Variants in MED13L observed in about 807,000 individuals in gnomAD.
MED13L encodes mediator of RNA polymerase II transcription subunit 13-like.
MED13L carries 7 observed loss-of-function variants against 220.9 expected under a neutral mutation model. The observed-to-expected ratio is 0.03, with a 90% CI of 0.02 to 0.06. The LOEUF is 0.06. Among genes scored for constraint, MED13L ranks in the 10% least tolerant of loss-of-function variants. The probability of loss-of-function intolerance (pLI) is 1.00; values close to 1 mark genes in which losing one functional copy is unlikely to be tolerated. For missense variants in MED13L, 1,965 were observed against 2,760.5 expected (o/e 0.71, Z 6.46); for synonymous variants, 1,011 against 1,015.2 (o/e 1.00, Z 0.08).
chr12:116,140,200 A>G (rs770262253), intron 2 of MED13L, among the ~76,000 whole-genome samples: 2 of 152,098 alleles, frequency 1.3e-5, no homozygotes, highest in Non-Finnish European at 2.9e-5. Context: ...TTTCTTCCAG[A>G]GCATTTACTA....
At chr12:116,151,241 T>C (rs566866108) in intron 2 of MED13L, among the ~76,000 whole-genome samples, 158 of 152,292 alleles carry the variant, frequency 1.0e-3, no homozygotes, top group African/African-American at 3.7e-3. Context: ...TAAATGTGTA[T>C]AAGAGGTCTT....
Position 115,984,289 on chromosome 12 carries a change from C to A in MED13L, c.4422G>T (p.Lys1474Asn), listed in dbSNP as rs561288892. The part of the protein sequence containing the change: ...IMRVGKTVAQ[K>N]LTDELVSEWF... ...ACTCACTCACAAGCTCATCTGTCAG[C>A]TTCTGTGCCACAGTTTTTCCCACGC... The change falls in exon 20 of 31, where the codon AAG (lysine) becomes AAT (asparagine). Residue 1474 changes from lysine to asparagine, a missense_variant. This residue lies in a region of MED13L where 510 missense variants were observed against 620.4 expected (regional missense o/e 0.82). Transcript: ENST00000281928. 2 of 1,614,016 alleles carry A rather than the reference C, an allele frequency of 1.2e-6. No homozygotes were observed. Among genetic ancestry groups the A allele is most frequent in the East Asian group, 4.5e-5 (2 of 44,872 alleles).
intron 2 of MED13L, among the ~76,000 whole-genome samples, chr12:116,182,764 T>C (rs1183419184): frequency 6.6e-6 from 1 of 152,150 alleles, no homozygotes; most frequent in Non-Finnish European, 1.5e-5. Flanking sequence ...CTAACATATA[T>C]TACATGTTTA....
intron 4 of MED13L, among the ~76,000 whole-genome samples, chr12:116,084,915 T>C (rs928795781): frequency 6.6e-6 from 1 of 152,176 alleles, no homozygotes; most frequent in East Asian, 1.9e-4. Context: ...ACCTCCTATA[T>C]ATGTAGTCAT....
Position 116,015,206 on chromosome 12 carries a change from G to T in MED13L, c.1078C>A (p.His360Asn). The T allele has an allele frequency of 6.2e-7, 1 of 1,613,804 alleles. No individual in the cohort carries two copies. Among genetic ancestry groups the T allele is most frequent in the Non-Finnish European group, 8.5e-7 (1 of 1,179,830 alleles). The change falls in exon 8 of 31, where the codon CAC becomes AAC. Residue 360 changes from histidine to asparagine, a missense_variant. This residue lies in a region of MED13L where 818 missense variants were observed against 1,041.2 expected (regional missense o/e 0.79). Coordinates refer to ENST00000281928, the MANE Select transcript of MED13L (RefSeq NM_015335.5). ...VSQDGGMITMHSPKRSGKIPP... is the reference protein window; with the variant it reads ...VSQDGGMITMNSPKRSGKIPP... ...ATCTTCCCCGATCTCTTTGGACTGT[G>T]CATCGTTATCATCCCTCCATCTTGG...
intron 28 of MED13L, among the ~76,000 whole-genome samples, chr12:115,967,187 A>AC (rs1411644240): frequency 6.6e-6 from 1 of 151,536 alleles, no homozygotes; most frequent in African/African-American, 2.4e-5. Flanking sequence ...AAAAAAAAAA[A>AC]AAAAAAAAAC....
At chr12:116,150,243 C>T (rs1369130035) in intron 2 of MED13L, among the ~76,000 whole-genome samples, 2 of 152,220 alleles carry the variant, frequency 1.3e-5, no homozygotes, top group Non-Finnish European at 2.9e-5. Context: ...TAACTTCACA[C>T]AACATGTAAC....
Position 115,972,195 on chromosome 12 carries a change from T to C in MED13L, c.5773A>G (p.Ser1925Gly), listed in dbSNP as rs752560133. 1.2e-6 allele frequency: 2 copies of C among 1,614,006 alleles called. No homozygotes were observed. The highest frequency in any genetic ancestry group is 8.5e-7 in the Non-Finnish European group (1 of 1,179,906). Reference sequence around the variant, plus strand: ...CGGCACACATCCTTGAGCTTTTTGCTGATTGTCTGTAGTGAACATTCTCCA... The same window carrying C: ...CGGCACACATCCTTGAGCTTTTTGCCGATTGTCTGTAGTGAACATTCTCCA... ...LLGECSLQTI[S>G]KKLKDVCRMC... Residue 1925 changes from serine (S) to glycine (G), a missense_variant, in exon 26 of 31, where the codon AGC becomes GGC. By Grantham distance (56) the Ser-to-Gly change is moderately conservative (BLOSUM62 0). Around this residue, in one of 10 missense-constraint regions of MED13L, gnomAD observed 23 missense variants for 67.1 expected, o/e 0.34. Transcript: ENST00000281928.
At chr12:115,969,410 C>T (rs2137218243) in intron 27 of MED13L, among the ~76,000 whole-genome samples, 1 of 152,280 alleles carries the variant, frequency 6.6e-6, no homozygotes. Flanking sequence ...GCTAAAGCAA[C>T]AATTTAATCA....
At chr12:116,038,172 C>CTT (rs397937912) in intron 4 of MED13L, among the ~76,000 whole-genome samples, 9 of 140,792 alleles carry the variant, frequency 6.4e-5, no homozygotes, top group East Asian at 2.1e-4. Flanking sequence ...GCTTGGAATT[C>CTT]TTTTTTTTTT....
intron 1 of MED13L, among the ~76,000 whole-genome samples, chr12:116,258,045 T>C (rs1565953762): frequency 2.0e-5 from 3 of 152,290 alleles, no homozygotes; most frequent in South Asian, 4.1e-4. Flanking sequence ...ACCTTAGCAC[T>C]TGTACTAAAT....
chr12:116,270,253 T>C (rs1332144650), intron 1 of MED13L, among the ~76,000 whole-genome samples: 1 of 151,972 alleles, frequency 6.6e-6, no homozygotes, highest in East Asian at 1.9e-4. Flanking sequence ...GCGATTCCCC[T>C]GCCTCAGCCT....
intron 4 of MED13L, among the ~76,000 whole-genome samples, chr12:116,095,133 T>C (rs1011043219): frequency 6.6e-5 from 10 of 152,076 alleles, no homozygotes; most frequent in Admixed American, 6.6e-5. Context: ...CTGGCACTCC[T>C]GCCTGGATAA....
intron 2 of MED13L, among the ~76,000 whole-genome samples, chr12:116,205,398 T>C (rs1318195689): frequency 6.6e-6 from 1 of 151,026 alleles, no homozygotes; most frequent in Non-Finnish European, 1.5e-5. Context: ...CATCAGCTAC[T>C]TGGGACCAAA....
In MED13L at chr12:115,996,534, G is replaced by A. The variant is rs1296598446; in HGVS notation, c.2938C>T (p.Pro980Ser). 6.2e-7 allele frequency: 1 copy of A among 1,614,204 alleles called. No homozygotes were observed. Among genetic ancestry groups the A allele is most frequent in the South Asian group, 1.1e-5 (1 of 91,084 alleles). The change falls in exon 16 of 31, where the codon CCT (proline) becomes TCT (serine). Residue 980 changes from proline (P) to serine (S), a missense_variant. Physicochemically the swap from Pro to Ser is moderately conservative, Grantham distance 74 (BLOSUM62 -1). This residue lies in a region of MED13L where 233 missense variants were observed against 306.2 expected (regional missense o/e 0.76). Transcript: ENST00000281928. ...GGCATGGGCAGTTGTTCAATTTTAG[G>A]AGGAATTGCCCATGAAGGCCGAAAC... The part of the protein sequence containing the change: ...CLFRPSWAIP[P>S]KIEQLPMPPA...
intron 28 of MED13L, among the ~76,000 whole-genome samples, chr12:115,968,498 G>A (rs1032806643): frequency 3.3e-5 from 5 of 152,150 alleles, no homozygotes; most frequent in African/African-American, 9.7e-5. Context: ...AAAGAGCACG[G>A]CAGGCTCCTT....
chr12:116,182,721 A>G (rs2138229760), intron 2 of MED13L, among the ~76,000 whole-genome samples: 1 of 152,304 alleles, frequency 6.6e-6, no homozygotes, highest in East Asian at 1.9e-4. Flanking sequence ...AAACTTGGAG[A>G]CCCAAAGAAC....
intron 2 of MED13L, among the ~76,000 whole-genome samples, chr12:116,205,066 T>C (rs1309361576): frequency 6.6e-6 from 1 of 152,158 alleles, no homozygotes; most frequent in Non-Finnish European, 1.5e-5. Flanking sequence ...ACTACTCATG[T>C]GGCTTGCCTT....
chr12:116,232,273 A>T, intron 2 of MED13L: 1 of 214,644 alleles, frequency 4.7e-6, no homozygotes, highest in Non-Finnish European at 8.0e-6. Context: ...ATACTGTTAT[A>T]GGGACAATCA....
Sources: allele counts gnomAD v4.1 joint callset (sites outside exome capture counted in the v4.1 genomes callset), GRCh38; gene constraint gnomAD v4.1.1; regional missense constraint gnomAD v4.1.1; transcripts MANE v1.5; gene names NCBI Gene and HGNC (gene_info 2026-07-23, HGNC 2026-07-21).